DNAH12: variants seen among roughly 807,000 people sequenced by gnomAD.
The protein encoded by DNAH12 is axonemal beta dynein heavy chain 12.
In DNAH12, 285 loss-of-function variants were observed where a neutral mutation model predicts 371.5. That is an observed-to-expected ratio of 0.77 (90% CI 0.70 to 0.85). The LOEUF is 0.85. Among genes scored for constraint, DNAH12 ranks in the 40% least tolerant of loss-of-function variants. The pLI, the probability that DNAH12 is intolerant of heterozygous loss-of-function variation, is 0.00. For missense variants in DNAH12, 3,611 were observed against 3,689.4 expected (o/e 0.98, Z 0.55); for synonymous variants, 1,200 against 1,213.0 (o/e 0.99, Z 0.22).
intron 12 of DNAH12, among the ~76,000 whole-genome samples, chr3:57,486,500 A>C (rs2066928098): frequency 6.6e-6 from 1 of 152,150 alleles, no homozygotes; most frequent in Non-Finnish European, 1.5e-5. Flanking sequence ...AACAAAGTGT[A>C]AAAGAGGTAA....
In DNAH12 at chr3:57,489,511, T is replaced by C; in HGVS notation, c.1512A>G (p.Glu504=). 1 of 1,509,378 alleles carries C rather than the reference T, an allele frequency of 6.6e-7. No individual in the cohort carries two copies. Among genetic ancestry groups the C allele is most frequent in the Non-Finnish European group, 8.8e-7 (1 of 1,134,520 alleles). 93.5% of individuals were successfully genotyped at this position (1,509,378 alleles called of 1,614,324 possible). Residue 504 remains glutamate, a splice_region_variant and synonymous_variant, in exon 12 of 74, where the codon GAA becomes GAG. Transcript: ENST00000495027. The part of the protein sequence containing the change: ...DIASKYRKEN[E]CICSEFEAIK... ...GCTTGGGAATTAATTCTACTTACCA[T>C]TCATTTTCTTTTCTATATTTTGAAG...
In DNAH12 at chr3:57,461,547, A is replaced by T; in HGVS notation, c.2678T>A (p.Ile893Lys). 1 of 1,551,422 alleles carries T rather than the reference A, an allele frequency of 6.4e-7. No individual in the cohort carries two copies. The highest frequency in any genetic ancestry group is 8.7e-7 in the Non-Finnish European group (1 of 1,146,866). The change falls in exon 19 of 74, where the codon ATA (isoleucine) becomes AAA (lysine). Residue 893 changes from isoleucine to lysine, a missense_variant. Ile to Lys is a moderately radical substitution (Grantham distance 102). Around this residue, in one of 3 missense-constraint regions of DNAH12, gnomAD observed 1,314 missense variants for 1,398.7 expected, o/e 0.94. Transcript: ENST00000495027. ...EIQAILDDQIIKTQTMRGSPF... is the reference protein window; with the variant it reads ...EIQAILDDQIKKTQTMRGSPF... ...TGAGCCTCTCATTGTCTGAGTTTTT[A>T]TAATTTGATCATCAAGGATGGCCTG...
At chr3:57,395,556 A>G (rs2063719601) in intron 43 of DNAH12, among the ~76,000 whole-genome samples, 1 of 152,124 alleles carries the variant, frequency 6.6e-6, no homozygotes. Context: ...TTTTGTTCTT[A>G]GAAATAAGTT....
At chr3:57,450,249 T>TAAAAAAAAAA (rs1559675073) in intron 25 of DNAH12, among the ~76,000 whole-genome samples, 1 of 15,984 alleles carries the variant, frequency 6.3e-5, no homozygotes, top group African/African-American at 2.5e-4. Flanking sequence ...CTGTCTCAAT[T>TAAAAAAAAAA]TAAAAAAAAA....
chr3:57,413,872 A>C lies in DNAH12; in HGVS notation c.5894T>G (p.Val1965Gly). 6.4e-7 allele frequency: 1 copy of C among 1,550,842 alleles called. No individual in the cohort carries two copies. Among genetic ancestry groups the C allele is most frequent in the Non-Finnish European group, 8.7e-7 (1 of 1,146,634 alleles). ...MARLDKRRKG[V>G]FGPPMGKKCI... is the part of the protein sequence containing the mutation. ...CTTCTTTCCCATAGGTGGTCCAAAG[A>C]CTCCTTTGCGTCTTTTATCCAATCT... The change falls in exon 39 of 74, where the codon GTC (valine) becomes GGC (glycine). Residue 1965 changes from valine (V) to glycine (G), a missense_variant. Transcript: ENST00000495027.
At chr3:57,369,529 C>G (rs944863574) in intron 55 of DNAH12, among the ~76,000 whole-genome samples, 1 of 151,548 alleles carries the variant, frequency 6.6e-6, no homozygotes, top group Admixed American at 6.6e-5. Context: ...TCTTTCTTTC[C>G]CCAAAGACAA....
rs59523603 is a variant in DNAH12, at chr3:57,334,489, A to T, written c.9954T>A (p.Ile3318=). Reference sequence around the variant, plus strand: ...CCTTATCAGGTCTTAAACACCGAAGAATTATTATTTTCTGTAGTTCATTTA... The same window carrying T: ...CCTTATCAGGTCTTAAACACCGAAGTATTATTATTTTCTGTAGTTCATTTA... ...KNLNELQKII[I]LRCLRPDKIT... is the part of the protein sequence containing the mutation. Residue 3318 remains isoleucine, a synonymous_variant, in exon 62 of 74, where the codon ATT becomes ATA. Transcript: ENST00000495027. 1.8e-4 allele frequency: 281 copies of T among 1,549,616 alleles called. No individual in the cohort carries two copies. In the African/African-American group the frequency reaches 3.6e-3, roughly 20 times the overall value.
At chr3:57,551,076 C>G in the DNAH12 span, among the ~76,000 whole-genome samples, 1 of 151,360 alleles carries the variant, frequency 6.6e-6, no homozygotes, top group Admixed American at 6.6e-5. Context: ...CCGTGTTAGC[C>G]AGGATGGCCT....
intron 69 of DNAH12, among the ~76,000 whole-genome samples, chr3:57,305,201 C>T (rs2061443379): frequency 6.6e-6 from 1 of 152,076 alleles, no homozygotes; most frequent in African/African-American, 2.4e-5. Flanking sequence ...ACATTGTTCC[C>T]TCCCTAGTCT....
chr3:57,309,304 TA>T (rs2061538961), intron 68 of DNAH12, 50 bp from the exon 69 acceptor site: 16 of 1,419,822 alleles, frequency 1.1e-5, no homozygotes, highest in Non-Finnish European at 1.4e-5. Context: ...AATGGATAAT[TA>T]GCTTAATTCA....
intron 32 of DNAH12, among the ~76,000 whole-genome samples, chr3:57,432,956 CT>C (rs2064999251): frequency 6.6e-6 from 1 of 152,062 alleles, no homozygotes; most frequent in Admixed American, 6.6e-5. Context: ...CTTTCTAGTT[CT>C]TTTGTATATC....
Position 57,408,387 on chromosome 3 carries a change from T to A in DNAH12, c.6169A>T (p.Thr2057Ser), listed in dbSNP as rs2064102312. The A allele has an allele frequency of 6.4e-7, 1 of 1,551,440 alleles. No homozygotes were observed. Among genetic ancestry groups the A allele is most frequent in the Admixed American group, 2.0e-5 (1 of 50,974 alleles). The change falls in exon 40 of 74, where the codon ACT (threonine) becomes TCT (serine). Residue 2057 changes from threonine (T) to serine (S), a missense_variant. By Grantham distance (58) the Thr-to-Ser change is moderately conservative (BLOSUM62 1). Coordinates refer to ENST00000495027, the MANE Select transcript of DNAH12 (RefSeq NM_001366028.2). The stretch of plus-strand genomic sequence containing the variant: ...ATAGATGAGAAGATTCGGACCATAG[T>A]TTCATCACTAAAAGAATTAATACTG... Reference protein sequence around the residue: ...ICSINSFSDETMVRIFSSIVA... With the variant: ...ICSINSFSDESMVRIFSSIVA...
At chr3:57,486,323 A>G (rs1457937446) in intron 12 of DNAH12, among the ~76,000 whole-genome samples, 15 of 152,100 alleles carry the variant, frequency 9.9e-5, no homozygotes, top group Admixed American at 9.8e-4. Context: ...TAAACCCAGT[A>G]CTTTGGGAGG....
At chr3:57,329,193 C>A (rs892495248) in intron 62 of DNAH12, among the ~76,000 whole-genome samples, 2 of 143,746 alleles carry the variant, frequency 1.4e-5, no homozygotes, top group Non-Finnish European at 3.0e-5. Flanking sequence ...CCTTTCTTCA[C>A]AGAATTGGGA....
At chr3:57,428,394 A>C in intron 34 of DNAH12, 1 of 1,434,396 alleles carries the variant, frequency 7.0e-7, no homozygotes, top group Non-Finnish European at 9.4e-7. Context: ...AAATACGGAA[A>C]GTAATTAGAA....
At chr3:57,404,018 A>T (rs2063949279) in intron 42 of DNAH12, among the ~76,000 whole-genome samples, 2 of 151,964 alleles carry the variant, frequency 1.3e-5, no homozygotes, top group Non-Finnish European at 2.9e-5. Flanking sequence ...GCTCTCAAAA[A>T]TAATAATCAC....
chr3:57,490,464 A>T (rs2067078384), intron 11 of DNAH12, among the ~76,000 whole-genome samples: 1 of 152,248 alleles, frequency 6.6e-6, no homozygotes, highest in African/African-American at 2.4e-5. Flanking sequence ...AGTAGTATCA[A>T]GAAAATCTGA....
intron 2 of DNAH12, chr3:57,530,751 C>T (rs2068813702): frequency 4.1e-6 from 1 of 246,414 alleles, no homozygotes; most frequent in Non-Finnish European, 8.1e-6. Context: ...CCTTGTTTTG[C>T]ACCTACATCA....
At chr3:57,445,125 A>C (rs1279590695) in intron 28 of DNAH12, 49 bp downstream of exon 28, 5 of 1,474,244 alleles carry the variant, frequency 3.4e-6, no homozygotes, top group Non-Finnish European at 4.5e-6. Flanking sequence ...TCACTAAAGA[A>C]AATTATCTTT....
Sources: gnomAD v4.1 joint callset for allele counts (sites outside exome capture counted in the v4.1 genomes callset) on GRCh38, gnomAD v4.1.1 for gene constraint, gnomAD v4.1.1 regional missense constraint, MANE v1.5 for transcripts, NCBI Gene and HGNC (gene_info 2026-07-23, HGNC 2026-07-21) for gene names.